AXIN1: variants seen among roughly 807,000 people sequenced by gnomAD.
The protein encoded by AXIN1 is axin 1, also known as axin-1.
A neutral mutation model predicts 76.4 loss-of-function variants in AXIN1; 30 were observed. The ratio of observed to expected loss-of-function variants is 0.39; its 90% CI spans 0.29 to 0.53. The LOEUF (loss-of-function observed/expected upper bound fraction) is 0.53, where lower values mean the gene tolerates loss of function less well. Among genes scored for constraint, AXIN1 ranks in the 20% least tolerant of loss-of-function variants. The probability of loss-of-function intolerance (pLI) is 0.66; values close to 1 mark genes in which losing one functional copy is unlikely to be tolerated. For synonymous variants in AXIN1, 545 were observed against 501.4 expected, an observed-to-expected ratio of 1.09 and a Z score of -1.16; for missense variants, 1,140 against 1,198.8, an observed-to-expected ratio of 0.95 and a Z score of 0.72.
chr16:340,765 G>C (rs1479894980), intron 2 of AXIN1, among the ~76,000 whole-genome samples: 1 of 152,234 alleles, frequency 6.6e-6, no homozygotes, highest in African/African-American at 2.4e-5. Flanking sequence ...ATGACAGTGG[G>C]TGAGTGGGAC....
intron 4 of AXIN1, among the ~76,000 whole-genome samples, chr16:305,193 G>A (rs1267498271): frequency 1.3e-5 from 2 of 152,250 alleles, no homozygotes; most frequent in African/African-American, 2.4e-5. Context: ...CTAAAGGCCA[G>A]GTGGTGGCTC....
intron 2 of AXIN1, among the ~76,000 whole-genome samples, chr16:322,098 G>A (rs1047761499): frequency 1.1e-4 from 16 of 152,228 alleles, no homozygotes; most frequent in Admixed American, 1.3e-4. Flanking sequence ...AAAGATGCAC[G>A]ACCTTCTGAG....
intron 2 of AXIN1, among the ~76,000 whole-genome samples, chr16:332,503 G>T (rs1038143245): frequency 5.3e-5 from 8 of 151,374 alleles, no homozygotes; most frequent in Non-Finnish European, 1.5e-5. Flanking sequence ...GTGAACCCGG[G>T]AGGTGGAGGT....
Position 344,839 on chromosome 16 carries a change from A to G in AXIN1, c.878+1309T>C, listed in dbSNP as rs1264094753. On this transcript the variant is annotated intron_variant, in intron 2 of 10. Coordinates refer to ENST00000262320, the MANE Select transcript of AXIN1 (RefSeq NM_003502.4). ...TTAGACTACAAGTTTAACCTTAGAC[A>G]TGTTTAATCCTGTGTTGATGAGCGA... Among the ~76,000 whole-genome samples the G allele has an allele frequency of 4.6e-5, 7 of 152,216 alleles. 1 individual carries two copies. Among genetic ancestry groups the G allele is most frequent in the African/African-American group, 1.7e-4 (7 of 41,450 alleles).
At chr16:326,372 A>AAAAATAT (rs1380874299) in intron 2 of AXIN1, among the ~76,000 whole-genome samples, 62 of 86,446 alleles carry the variant, frequency 7.2e-4, no homozygotes, top group East Asian at 3.2e-3. Context: ...AAAAAAAAAA[A>AAAAATAT]ATATATATAT....
At chr16:308,684 G>C (rs1214211155) in intron 4 of AXIN1, among the ~76,000 whole-genome samples, 1 of 152,220 alleles carries the variant, frequency 6.6e-6, no homozygotes, top group East Asian at 1.9e-4. Flanking sequence ...GTGACCTCAT[G>C]ATAGCCTTGG....
intron 4 of AXIN1, among the ~76,000 whole-genome samples, chr16:307,636 G>A (rs1421160724): frequency 6.6e-6 from 1 of 152,184 alleles, no homozygotes; most frequent in African/African-American, 2.4e-5. Flanking sequence ...CTCACAAGGT[G>A]CACACAGCCT....
intron 2 of AXIN1, among the ~76,000 whole-genome samples, chr16:315,803 G>C (rs1458513156): frequency 6.6e-6 from 1 of 150,688 alleles, no homozygotes; most frequent in African/African-American, 2.4e-5. Flanking sequence ...ACTCCAGCCT[G>C]GGTGACAGAG....
chr16:288,285 G>A (rs752823798), intron 10 of AXIN1, 37 bp from the exon 11 acceptor site: 5 of 1,613,030 alleles, frequency 3.1e-6, no homozygotes, highest in Non-Finnish European at 4.2e-6. Flanking sequence ...TGAGCAGGCA[G>A]CACCGCAGAT....
rs188123718 is a variant in AXIN1, at chr16:351,903, G to A, written c.-82+466C>T. Among the ~76,000 whole-genome samples, 4 of 152,100 alleles carry A rather than the reference G, an allele frequency of 2.6e-5. No homozygotes were observed. In the South Asian group the frequency reaches 6.2e-4, roughly 24 times the overall value. On this transcript the variant is annotated intron_variant, in intron 1 of 10. Transcript: ENST00000262320. ...CTAAATTCCAAAGTGCGGGGCGGGGGTAGAATCTAAGAACCACACCCAAGA... is the reference window on the plus strand; with the variant it reads ...CTAAATTCCAAAGTGCGGGGCGGGGATAGAATCTAAGAACCACACCCAAGA...
intron 2 of AXIN1, among the ~76,000 whole-genome samples, chr16:322,587 C>T (rs1407947938): frequency 6.6e-6 from 1 of 152,154 alleles, no homozygotes; most frequent in African/African-American, 2.4e-5. Flanking sequence ...CCTGGCTGTC[C>T]GCGAGGCAAA....
intron 9 of AXIN1, 175 bp downstream of exon 9, chr16:291,012 CAGG>C (rs2052542428): frequency 8.9e-6 from 6 of 674,046 alleles, no homozygotes; most frequent in African/African-American, 3.5e-5. Flanking sequence ...TTGATGGAGA[CAGG>C]AGAAGGCTCT....
intron 5 of AXIN1, among the ~76,000 whole-genome samples, chr16:301,030 G>A (rs954112757): frequency 1.2e-4 from 19 of 152,112 alleles, no homozygotes; most frequent in Non-Finnish European, 1.9e-4. Flanking sequence ...CAGCACTTTG[G>A]GAGGCCGAGG....
Position 288,085 on chromosome 16 carries a change from G to T in AXIN1, c.*37C>A, listed in dbSNP as rs200168060. On this transcript the variant is annotated 3_prime_UTR_variant, in exon 11 of 11. Coordinates refer to ENST00000262320, the MANE Select transcript of AXIN1 (RefSeq NM_003502.4). ...TGGCCGTGACACCCGTGCCCGCCAA[G>T]GGCCTCGCCTGGCACAGCGGCCAGC... is the stretch of plus-strand genomic sequence containing the variant. 9,857 of 1,612,702 alleles carry T rather than the reference G, an allele frequency of 6.1e-3. 43 individuals carry two copies. The highest frequency in any genetic ancestry group is 7.8e-3 in the Non-Finnish European group (9,212 of 1,179,954).
In AXIN1 at chr16:288,154, TCTC is replaced by T. The variant is rs759595958; in HGVS notation, c.2554_2556del (p.Glu852del). 8.1e-6 allele frequency: 13 copies of T among 1,613,472 alleles called. No homozygotes were observed. The highest frequency in any genetic ancestry group is 1.7e-5 in the Admixed American group (1 of 60,028). On this transcript the variant is annotated inframe_deletion, in exon 11 of 11. Coordinates refer to ENST00000262320, the MANE Select transcript of AXIN1 (RefSeq NM_003502.4). ...ACCTTCTCCACTTTGCCGATGATCTTCTCCTCAAAGACGGGCAGGACGGCCTCG... is the reference window on the plus strand; with the variant it reads ...ACCTTCTCCACTTTGCCGATGATCTTCTCAAAGACGGGCAGGACGGCCTCG...
In AXIN1 at chr16:304,288, G is replaced by A. The variant is rs201627469; in HGVS notation, c.1254+16C>T. 30 of 1,609,866 alleles carry A rather than the reference G, an allele frequency of 1.9e-5. No individual in the cohort carries two copies. The highest frequency in any genetic ancestry group is 1.3e-4 in the South Asian group (12 of 90,948). Reference sequence around the variant, plus strand: ...CGACACCGACGCGGAGCGCGACACCGACGCGGCCCACTCACCATGCGCACG... The same window carrying A: ...CGACACCGACGCGGAGCGCGACACCAACGCGGCCCACTCACCATGCGCACG... On this transcript the variant is annotated intron_variant, in intron 5 of 10. Coordinates refer to ENST00000262320, the MANE Select transcript of AXIN1 (RefSeq NM_003502.4).
chr16:295,407 T>C (rs1340845650), intron 7 of AXIN1, among the ~76,000 whole-genome samples: 2 of 151,952 alleles, frequency 1.3e-5, no homozygotes, highest in Non-Finnish European at 2.9e-5. Context: ...TACATTTTAT[T>C]TTTAACAGCT....
intron 4 of AXIN1, 124 bp downstream of exon 4, chr16:309,849 C>A: frequency 1.1e-6 from 1 of 913,594 alleles, no homozygotes; most frequent in East Asian, 2.6e-5. Context: ...GGATCACACG[C>A]TTACGCCTAG....
intron 5 of AXIN1, among the ~76,000 whole-genome samples, chr16:302,112 G>A (rs1421130296): frequency 6.6e-6 from 1 of 152,246 alleles, no homozygotes; most frequent in Non-Finnish European, 1.5e-5. Flanking sequence ...AAGCAAGCGA[G>A]CCGCTCCAGT....
Sources: allele counts gnomAD v4.1 joint callset (sites outside exome capture counted in the v4.1 genomes callset), GRCh38; gene constraint gnomAD v4.1.1; transcripts MANE v1.5; gene names NCBI Gene and HGNC (gene_info 2026-07-23, HGNC 2026-07-21).